Variants in PTPRR observed in about 807,000 individuals in gnomAD.
PTPRR encodes the protein protein tyrosine phosphatase receptor type R, also known as receptor-type tyrosine-protein phosphatase R.
PTPRR carries 38 observed loss-of-function variants against 77.2 expected under a neutral mutation model. The observed-to-expected ratio is 0.49, with a 90% CI of 0.38 to 0.65. PTPRR has a LOEUF of 0.65. PTPRR is among the 30% of genes least tolerant of loss of function. PTPRR has a pLI of 0.00. For synonymous variants in PTPRR, 299 were observed against 283.1 expected (o/e 1.06, Z -0.57); for missense variants, 744 against 799.2 (o/e 0.93, Z 0.83).
chr12:70,824,956 C>T (rs1038230287), intron 2 of PTPRR, among the ~76,000 whole-genome samples: 2 of 152,126 alleles, frequency 1.3e-5, no homozygotes, highest in African/African-American at 4.8e-5. Flanking sequence ...TAGGCAATAT[C>T]GTTGCTCCAT....
At chr12:70,680,041 T>A (rs1887598406) in intron 10 of PTPRR, among the ~76,000 whole-genome samples, 1 of 152,198 alleles carries the variant, frequency 6.6e-6, no homozygotes, top group African/African-American at 2.4e-5. Context: ...TCTTTTTGAT[T>A]TGTGTATCTG....
In PTPRR at chr12:70,920,414, G is replaced by A. The variant is rs766462616; in HGVS notation, c.-24C>T. ...ATAGTGTTTGCATTGAGAGGTGGAG[G>A]AGAAACTCCACCACGACCCCACTTC... is the stretch of plus-strand genomic sequence containing the variant. On this transcript the variant is annotated 5_prime_UTR_variant, in exon 1 of 14. Coordinates refer to ENST00000283228, the MANE Select transcript of PTPRR (RefSeq NM_002849.4). The A allele has an allele frequency of 2.5e-6, 4 of 1,604,422 alleles. No homozygotes were observed. The highest frequency in any genetic ancestry group is 2.7e-5 in the African/African-American group (2 of 74,650).
intron 10 of PTPRR, among the ~76,000 whole-genome samples, chr12:70,673,988 G>C (rs1887346723): frequency 6.6e-6 from 1 of 152,070 alleles, no homozygotes; most frequent in Non-Finnish European, 1.5e-5. Context: ...CTGAAGTGCA[G>C]AGTAGCCCAA....
Position 70,838,244 on chromosome 12 carries a change from C to T in PTPRR, c.357+54435G>A, listed in dbSNP as rs1037619541. ...TATTGAGGGTTGAGTCCTCAAGACT[C>T]GCCCACCTCACTACATTAGGATAGA... On this transcript the variant is annotated intron_variant, in intron 2 of 13. Transcript: ENST00000283228. Among the ~76,000 whole-genome samples, 8 of 152,228 alleles carry T rather than the reference C, an allele frequency of 5.3e-5. No homozygotes were observed. The South Asian group carries it at 1.2e-3, about 24-fold the overall frequency.
At chr12:70,903,013 G>C (rs901748924) in intron 1 of PTPRR, among the ~76,000 whole-genome samples, 1 of 151,742 alleles carries the variant, frequency 6.6e-6, no homozygotes, top group Non-Finnish European at 1.5e-5. Flanking sequence ...AATAAGGTGG[G>C]CACAGAAAGA....
At chr12:70,890,991 C>A (rs1195714900) in intron 2 of PTPRR, among the ~76,000 whole-genome samples, 1 of 152,082 alleles carries the variant, frequency 6.6e-6, no homozygotes, top group Non-Finnish European at 1.5e-5. Flanking sequence ...GCTAAATCAT[C>A]ATGCACATAA....
chr12:70,721,124 C>T (rs568334456), intron 6 of PTPRR, among the ~76,000 whole-genome samples: 2 of 152,324 alleles, frequency 1.3e-5, no homozygotes, highest in Admixed American at 6.5e-5. Context: ...TGTTACTTCT[C>T]TTGCTTGGAA....
chr12:70,681,935 C>T (rs1887677692), intron 10 of PTPRR, among the ~76,000 whole-genome samples: 1 of 151,378 alleles, frequency 6.6e-6, no homozygotes, highest in Admixed American at 6.6e-5. Flanking sequence ...GCTTTAAATA[C>T]TCAAGAGAGC....
intron 2 of PTPRR, among the ~76,000 whole-genome samples, chr12:70,884,150 A>T (rs1335836098): frequency 6.6e-6 from 1 of 152,136 alleles, no homozygotes; most frequent in African/African-American, 2.4e-5. Flanking sequence ...ATTTTTCCTA[A>T]AAAAAGAGAA....
intron 2 of PTPRR, among the ~76,000 whole-genome samples, chr12:70,865,555 T>A (rs1892829500): frequency 6.6e-6 from 1 of 151,992 alleles, no homozygotes; most frequent in South Asian, 2.1e-4. Flanking sequence ...AAAAGAAATA[T>A]CCAAAGGGAA....
chr12:70,889,050 C>T (rs1018663552), intron 2 of PTPRR, among the ~76,000 whole-genome samples: 11 of 152,122 alleles, frequency 7.2e-5, no homozygotes, highest in Admixed American at 7.2e-4. Context: ...AAATGTACTA[C>T]AAAAGTGTTG....
chr12:70,725,235 T>C (rs1213857363), intron 6 of PTPRR, among the ~76,000 whole-genome samples: 1 of 152,198 alleles, frequency 6.6e-6, no homozygotes, highest in Non-Finnish European at 1.5e-5. Flanking sequence ...TTTTATCTCA[T>C]GTCAAAATTT....
intron 2 of PTPRR, among the ~76,000 whole-genome samples, chr12:70,767,146 T>C (rs1592744549): frequency 1.3e-5 from 2 of 150,980 alleles, no homozygotes; most frequent in African/African-American, 4.9e-5. Flanking sequence ...AATGACAGGA[T>C]CAAATTCACA....
chr12:70,727,336 A>C (rs1889478132), intron 6 of PTPRR, among the ~76,000 whole-genome samples: 1 of 152,152 alleles, frequency 6.6e-6, no homozygotes, highest in African/African-American at 2.4e-5. Flanking sequence ...AAACTATAGT[A>C]GTTTCCAGAA....
intron 2 of PTPRR, among the ~76,000 whole-genome samples, chr12:70,863,838 G>C (rs990362127): frequency 6.6e-6 from 1 of 152,090 alleles, no homozygotes; most frequent in African/African-American, 2.4e-5. Flanking sequence ...AACTCTCTGG[G>C]AGTTGTAGTG....
intron 2 of PTPRR, among the ~76,000 whole-genome samples, chr12:70,809,858 C>G (rs12312403): frequency 6.6e-6 from 1 of 152,090 alleles, no homozygotes; most frequent in Admixed American, 6.6e-5. Flanking sequence ...CTTTTAAAAA[C>G]GATATTCTGT....
At chr12:70,762,786 G>T (rs2136963606) in intron 3 of PTPRR, among the ~76,000 whole-genome samples, 1 of 152,282 alleles carries the variant, frequency 6.6e-6, no homozygotes, top group African/African-American at 2.4e-5. Flanking sequence ...CACTGGAAAT[G>T]AAGTATGGTT....
chr12:70,681,237 C>T (rs1887646458), intron 10 of PTPRR, among the ~76,000 whole-genome samples: 2 of 152,262 alleles, frequency 1.3e-5, no homozygotes, highest in South Asian at 2.1e-4. Flanking sequence ...TGGCTACTGG[C>T]CCCTGGAACA....
At chr12:70,661,714 G>C (rs1008734026) in intron 11 of PTPRR, among the ~76,000 whole-genome samples, 1 of 152,172 alleles carries the variant, frequency 6.6e-6, no homozygotes, top group Admixed American at 6.5e-5. Flanking sequence ...TGAAAAATAA[G>C]TTTTGGTAAA....
Sources: allele counts gnomAD v4.1 joint callset (sites outside exome capture counted in the v4.1 genomes callset), GRCh38; gene constraint gnomAD v4.1.1; transcripts MANE v1.5; gene names NCBI Gene and HGNC (gene_info 2026-07-23, HGNC 2026-07-21).